The following FAR2 variants were observed in gnomAD, a reference collection of about 807,000 sequenced individuals.
FAR2 encodes epididymis secretory protein Li 81.
A neutral mutation model predicts 56.0 loss-of-function variants in FAR2; 19 were observed. That is an observed-to-expected ratio of 0.34 (90% CI 0.24 to 0.50). FAR2 has a LOEUF of 0.50. FAR2 is among the 20% of genes least tolerant of loss of function. FAR2 has a pLI of 0.98. For missense variants in FAR2, 508 were observed against 642.2 expected, an observed-to-expected ratio of 0.79 and a Z score of 2.26; for synonymous variants, 219 against 218.8, an observed-to-expected ratio of 1.00 and a Z score of -0.01.
intron 1 of FAR2, among the ~76,000 whole-genome samples, chr12:29,153,044 C>A (rs979595980): frequency 2.0e-5 from 3 of 152,224 alleles, no homozygotes; most frequent in Non-Finnish European, 4.4e-5. Context: ...TTCCCTCTAG[C>A]TAGCTTCATT....
At chr12:29,293,544 TAAA>T (rs10679359) in intron 3 of FAR2, 69 bp downstream of exon 3, 2 of 1,143,766 alleles carry the variant, frequency 1.7e-6, no homozygotes, top group East Asian at 6.4e-5. Context: ...ATAGTTTCTG[TAAA>T]AAAAAAGAAA....
intron 1 of FAR2, among the ~76,000 whole-genome samples, chr12:29,212,831 T>C (rs1947567883): frequency 6.6e-6 from 1 of 152,240 alleles, no homozygotes. Context: ...AACTTGGGTT[T>C]GAATTATCCT....
chr12:29,310,957 A>G, intron 6 of FAR2, 71 bp from the exon 7 acceptor site: 1 of 1,115,542 alleles, frequency 9.0e-7, no homozygotes, highest in Non-Finnish European at 1.4e-6. Context: ...AACCAGTTTG[A>G]TGATACATAC....
chr12:29,185,627 T>C (rs1050821557), intron 1 of FAR2, among the ~76,000 whole-genome samples: 1 of 152,230 alleles, frequency 6.6e-6, no homozygotes. Context: ...AAAATCACAC[T>C]GTAGAATCAT....
chr12:29,302,577 C>A (rs1949194061), intron 4 of FAR2, among the ~76,000 whole-genome samples: 1 of 151,920 alleles, frequency 6.6e-6, no homozygotes, highest in Non-Finnish European at 1.5e-5. Context: ...ATGGGCCATA[C>A]TGTGGAGATT....
chr12:29,301,832 A>C (rs1034318855), intron 4 of FAR2: 1 of 152,194 alleles, frequency 6.6e-6, no homozygotes, highest in Non-Finnish European at 1.5e-5. Context: ...AAAATGGCTA[A>C]GTAACTCCTT....
At chr12:29,180,753 C>CTATA (rs1251872674) in intron 1 of FAR2, among the ~76,000 whole-genome samples, 4 of 151,854 alleles carry the variant, frequency 2.6e-5, no homozygotes, top group Non-Finnish European at 5.9e-5. Context: ...ATCTATCTAT[C>CTATA]TATCTATCTA....
chr12:29,259,417 A>G (rs1356909666), intron 1 of FAR2, among the ~76,000 whole-genome samples: 1 of 152,214 alleles, frequency 6.6e-6, no homozygotes, highest in African/African-American at 2.4e-5. Flanking sequence ...TTTCTTTTCA[A>G]AAATGTTTCT....
chr12:29,328,049 A>T (rs1949676026), intron 10 of FAR2, among the ~76,000 whole-genome samples: 1 of 152,164 alleles, frequency 6.6e-6, no homozygotes, highest in Non-Finnish European at 1.5e-5. Context: ...AACTCAAACA[A>T]ATTTACAAGA....
chr12:29,326,649 A>G (rs972105326), intron 10 of FAR2, among the ~76,000 whole-genome samples: 1 of 152,238 alleles, frequency 6.6e-6, no homozygotes, highest in Non-Finnish European at 1.5e-5. Flanking sequence ...CAAAGACATA[A>G]ACCACATGAT....
At chr12:29,268,615 C>A (rs1371867368) in intron 1 of FAR2, among the ~76,000 whole-genome samples, 2 of 152,182 alleles carry the variant, frequency 1.3e-5, no homozygotes, top group Non-Finnish European at 2.9e-5. Context: ...GTCTCTACCC[C>A]CTGAGCAGCA....
In FAR2 at chr12:29,308,681, GACACACAGAC is replaced by G. The variant is rs1485399799; in HGVS notation, c.724-497_724-488del. The stretch of plus-strand genomic sequence containing the variant: ...CTTTAAGTAAGTCAATATACACACA[GACACACAGAC>G]ACACACACACACACACACACACACA... On this transcript the variant is annotated intron_variant, in intron 5 of 11. Coordinates refer to ENST00000536681, the MANE Select transcript of FAR2 (RefSeq NM_001271783.2). Among the ~76,000 whole-genome samples the G allele has an allele frequency of 6.2e-4, 38 of 60,810 alleles. 1 individual carries two copies. The highest frequency in any genetic ancestry group is 1.5e-3 in the Admixed American group (8 of 5,204). The allele number at this position is 60,810 out of a possible 152,430, so 39.9% of individuals were successfully genotyped here.
At chr12:29,284,101 C>G (rs1434735468) in intron 2 of FAR2, among the ~76,000 whole-genome samples, 4 of 152,056 alleles carry the variant, frequency 2.6e-5, no homozygotes, top group Admixed American at 6.6e-5. Flanking sequence ...TCAATAATTC[C>G]TTAAGAAAAC....
intron 1 of FAR2, among the ~76,000 whole-genome samples, chr12:29,153,368 A>G (rs34844277): frequency 0.13 from 19,340 of 152,206 alleles, 1,340 homozygotes; most frequent in African/African-American, 0.17. Flanking sequence ...AGAAAAAGCA[A>G]TCTGGGCACA....
rs1949359452 is a variant in FAR2 at position 29,311,957 on chromosome 12, A to G, written c.955+7A>G. The G allele has an allele frequency of 6.3e-7, 1 of 1,599,916 alleles. No individual in the cohort carries two copies. The highest frequency in any genetic ancestry group is 1.1e-5 in the South Asian group (1 of 90,212). On this transcript the variant is annotated splice_region_variant and intron_variant, in intron 8 of 11. Coordinates refer to ENST00000536681, the MANE Select transcript of FAR2 (RefSeq NM_001271783.2). ...TGCAATTGGCACAAAATGGGTAAGT[A>G]CTTTAGCTATGTAACTCTATAATTA...
intron 11 of FAR2, 104 bp downstream of exon 11, chr12:29,332,831 T>C (rs1850616749): frequency 1.8e-6 from 2 of 1,095,406 alleles, no homozygotes; most frequent in South Asian, 1.3e-5. Flanking sequence ...TCTTGAGCAT[T>C]TACTACATTA....
At chr12:29,253,977 T>C (rs1275650973) in intron 1 of FAR2, among the ~76,000 whole-genome samples, 1 of 152,218 alleles carries the variant, frequency 6.6e-6, no homozygotes, top group East Asian at 1.9e-4. Context: ...AAAGACTTAT[T>C]AATGTGCTAA....
At chr12:29,317,423 T>C (rs758982951) in intron 9 of FAR2, among the ~76,000 whole-genome samples, 8 of 152,204 alleles carry the variant, frequency 5.3e-5, no homozygotes, top group Non-Finnish European at 7.3e-5. Context: ...TATGCAAATA[T>C]TCCAAAATCT....
chr12:29,225,600 C>T (rs1947753501), intron 1 of FAR2, among the ~76,000 whole-genome samples: 1 of 152,144 alleles, frequency 6.6e-6, no homozygotes, highest in Non-Finnish European at 1.5e-5. Context: ...TATTTCTAGT[C>T]AGAGTACACC....
Sources: allele counts gnomAD v4.1 joint callset (sites outside exome capture counted in the v4.1 genomes callset), GRCh38; gene constraint gnomAD v4.1.1; transcripts MANE v1.5; gene names NCBI Gene and HGNC (gene_info 2026-07-23, HGNC 2026-07-21).